Variants in ITIH5 observed in about 807,000 individuals in gnomAD.
ITIH5 encodes the protein inter-alpha-trypsin inhibitor heavy chain 5.
ITIH5 carries 65 observed loss-of-function variants against 77.5 expected under a neutral mutation model. The ratio of observed to expected loss-of-function variants is 0.84; its 90% CI spans 0.69 to 1.03. ITIH5 has a LOEUF of 1.03. Ranked by LOEUF, ITIH5 falls within the 50% of genes least tolerant of loss-of-function variation. The pLI, the probability that ITIH5 is intolerant of heterozygous loss-of-function variation, is 0.00. For missense variants in ITIH5, 1,208 were observed against 1,213.1 expected (o/e 1.00, Z 0.06); for synonymous variants, 525 against 494.3 (o/e 1.06, Z -0.82).
chr10:7,652,665 T>A (rs921578394), intron 2 of ITIH5, among the ~76,000 whole-genome samples: 4 of 152,340 alleles, frequency 2.6e-5, no homozygotes, highest in African/African-American at 9.6e-5. Context: ...AGGCTACGTG[T>A]ACAAAGCCTC....
chr10:7,585,682 C>T (rs1832658342), intron 8 of ITIH5, among the ~76,000 whole-genome samples: 1 of 152,088 alleles, frequency 6.6e-6, no homozygotes, highest in Non-Finnish European at 1.5e-5. Flanking sequence ...TTATTTTCCC[C>T]CAGAACTTCA....
At chr10:7,660,678 A>C (rs1230816562) in intron 1 of ITIH5, among the ~76,000 whole-genome samples, 2 of 152,192 alleles carry the variant, frequency 1.3e-5, no homozygotes, top group African/African-American at 4.8e-5. Context: ...ATCATGACTG[A>C]GGGAGGAAGA....
At chr10:7,616,777 G>A (rs988901813) in intron 6 of ITIH5, among the ~76,000 whole-genome samples, 7 of 152,186 alleles carry the variant, frequency 4.6e-5, no homozygotes, top group Middle Eastern at 3.4e-3. Context: ...GCAGTGAGCC[G>A]AGATCGGCCA....
Position 7,640,934 on chromosome 10 carries a change from C to T in ITIH5, c.300-79G>A, listed in dbSNP as rs78650401. On this transcript the variant is annotated intron_variant, in intron 3 of 13. Coordinates refer to ENST00000397146, the MANE Select transcript of ITIH5 (RefSeq NM_030569.7). ...GACATGGATCTTATAACCATGACAA[C>T]CCCAGGAAATATTTTTATTTGCCTT... is the stretch of plus-strand genomic sequence containing the variant. The T allele has an allele frequency of 5.6e-3, 5,187 of 921,924 alleles. 191 individuals carry two copies. In the African/African-American group the frequency reaches 0.076, roughly 13 times the overall value. 57.1% of individuals were successfully genotyped at this position (921,924 alleles called of 1,614,324 possible).
intron 2 of ITIH5, among the ~76,000 whole-genome samples, chr10:7,647,477 C>G (rs1423781833): frequency 1.3e-5 from 2 of 152,192 alleles, no homozygotes; most frequent in Admixed American, 1.3e-4. Flanking sequence ...AAGAATCACC[C>G]AGCTGAGCTC....
chr10:7,579,891 G>A lies in ITIH5; in HGVS notation c.1282C>T (p.Arg428Ter), dbSNP rs367837389. The change falls in exon 9 of 14, where the codon CGA becomes TGA. Residue 428 changes from arginine (R) to a stop codon, truncating the protein, a stop_gained. Coordinates refer to ENST00000397146, the MANE Select transcript of ITIH5 (RefSeq NM_030569.7). LOFTEE classifies it high-confidence loss of function. ...ATGGTGAAGATGCAGACTTGGCCTC[G>A]GGCGGCCTCTCGGGTGTTGTTGAGG... is the stretch of plus-strand genomic sequence containing the variant. ...KILNNTREAARGQVCIFTIGI... is the reference protein window; with the variant it reads ...KILNNTREAA The A allele has an allele frequency of 5.3e-5, 86 of 1,614,080 alleles. No individual in the cohort carries two copies. Among genetic ancestry groups the A allele is most frequent in the Non-Finnish European group, 7.2e-5 (85 of 1,180,046 alleles).
intron 2 of ITIH5, among the ~76,000 whole-genome samples, chr10:7,651,364 A>T (rs1834097383): frequency 6.6e-6 from 1 of 152,148 alleles, no homozygotes; most frequent in Admixed American, 6.5e-5. Flanking sequence ...CAGGCGGATC[A>T]CCTGAGGTCA....
intron 13 of ITIH5, among the ~76,000 whole-genome samples, chr10:7,565,238 G>A (rs1274544271): frequency 6.8e-6 from 1 of 146,340 alleles, no homozygotes; most frequent in African/African-American, 2.5e-5. Flanking sequence ...TATACACAGA[G>A]TGTATACATA....
intron 11 of ITIH5, chr10:7,572,217 C>G: frequency 8.0e-7 from 1 of 1,251,920 alleles, no homozygotes; most frequent in Non-Finnish European, 1.0e-6. Context: ...GGAACTTGCA[C>G]GTACAGCACA....
intron 2 of ITIH5, among the ~76,000 whole-genome samples, chr10:7,653,147 T>C (rs2131102943): frequency 6.6e-6 from 1 of 152,298 alleles, no homozygotes; most frequent in East Asian, 1.9e-4. Flanking sequence ...CTGATAGACA[T>C]GGTATGAATA....
At chr10:7,644,050 G>A (rs1833929062) in intron 2 of ITIH5, among the ~76,000 whole-genome samples, 1 of 152,124 alleles carries the variant, frequency 6.6e-6, no homozygotes, top group African/African-American at 2.4e-5. Context: ...AGACCAGTCT[G>A]GCCAACATGG....
intron 1 of ITIH5, among the ~76,000 whole-genome samples, chr10:7,666,531 C>A (rs1834363875): frequency 6.6e-6 from 1 of 152,152 alleles, no homozygotes; most frequent in Non-Finnish European, 1.5e-5. Flanking sequence ...CAACGACGAA[C>A]AGAAATCTGC....
intron 10 of ITIH5, among the ~76,000 whole-genome samples, chr10:7,575,467 G>C (rs1832391320): frequency 1.3e-5 from 2 of 152,210 alleles, no homozygotes; most frequent in African/African-American, 2.4e-5. Context: ...TCCTAGGAGA[G>C]AGAACTTGAC....
At chr10:7,651,409 C>A (rs1237445771) in intron 2 of ITIH5, among the ~76,000 whole-genome samples, 1 of 152,050 alleles carries the variant, frequency 6.6e-6, no homozygotes, top group Non-Finnish European at 1.5e-5. Context: ...CATGGCGAAA[C>A]CCATCTTTAC....
intron 7 of ITIH5, among the ~76,000 whole-genome samples, chr10:7,611,481 G>T (rs1018407260): frequency 6.6e-6 from 1 of 152,222 alleles, no homozygotes; most frequent in Non-Finnish European, 1.5e-5. Context: ...TCTCCCACAG[G>T]AAGTGGAAGA....
intron 7 of ITIH5, among the ~76,000 whole-genome samples, chr10:7,597,297 C>G (rs1361293735): frequency 4.6e-5 from 7 of 152,076 alleles, no homozygotes; most frequent in African/African-American, 1.4e-4. Flanking sequence ...CCTTCCTGAC[C>G]CAGCAGGCAG....
chr10:7,652,236 G>A (rs1333063104), intron 2 of ITIH5, among the ~76,000 whole-genome samples: 1 of 152,226 alleles, frequency 6.6e-6, no homozygotes, highest in African/African-American at 2.4e-5. Context: ...GGTCCTGGCA[G>A]TGTTACGGGA....
chr10:7,611,322 C>A (rs1588397669), intron 7 of ITIH5, among the ~76,000 whole-genome samples: 1 of 152,172 alleles, frequency 6.6e-6, no homozygotes, highest in African/African-American at 2.4e-5. Context: ...TGGAAATGGC[C>A]CATGCCATAT....
chr10:7,629,327 T>TATC (rs1833668051), intron 5 of ITIH5, among the ~76,000 whole-genome samples: 1 of 125,288 alleles, frequency 8.0e-6, no homozygotes, highest in African/African-American at 3.7e-5. Context: ...GTGCCCATGT[T>TATC]GTAGCGTGTG....
Sources: gnomAD v4.1 joint callset for allele counts (sites outside exome capture counted in the v4.1 genomes callset) on GRCh38, gnomAD v4.1.1 for gene constraint, MANE v1.5 for transcripts, NCBI Gene and HGNC (gene_info 2026-07-23, HGNC 2026-07-21) for gene names.